Variants in COL25A1 observed in about 807,000 individuals in gnomAD.
COL25A1 encodes collagen type XXV alpha 1 chain.
A neutral mutation model predicts 128.4 loss-of-function variants in COL25A1; 103 were observed. The ratio of observed to expected loss-of-function variants is 0.80; its 90% CI spans 0.68 to 0.94. COL25A1 has a LOEUF of 0.94. Ranked by LOEUF, COL25A1 falls within the 40% of genes least tolerant of loss-of-function variation. The pLI is 0.00. For synonymous variants in COL25A1, 279 were observed against 277.2 expected (o/e 1.01, Z -0.06); for missense variants, 745 against 840.0 (o/e 0.89, Z 1.40).
chr4:108,878,553 G>T (rs1268821462), intron 19 of COL25A1, among the ~76,000 whole-genome samples: 1 of 152,058 alleles, frequency 6.6e-6, no homozygotes, highest in Non-Finnish European at 1.5e-5. Flanking sequence ...AGCCAGTTTT[G>T]GTAATGATTG....
chr4:109,187,189 C>T (rs991498653), intron 3 of COL25A1, among the ~76,000 whole-genome samples: 6 of 124,308 alleles, frequency 4.8e-5, no homozygotes, highest in Non-Finnish European at 1.0e-4. Flanking sequence ...TGTGTGTATT[C>T]TCTTGCTCTC....
intron 3 of COL25A1, among the ~76,000 whole-genome samples, chr4:109,089,781 T>C (rs553529463): frequency 5.1e-4 from 78 of 152,230 alleles, no homozygotes; most frequent in African/African-American, 1.7e-3. Context: ...AATTTTTATA[T>C]TTGTAGTTGA....
In COL25A1 at chr4:109,053,432, T is replaced by C. The variant is rs1317609615; in HGVS notation, c.368-3253A>G. Among the ~76,000 whole-genome samples, 4 of 152,220 alleles carry C rather than the reference T, an allele frequency of 2.6e-5. No homozygotes were observed. In the East Asian group the frequency reaches 7.7e-4, roughly 29 times the overall value. Reference sequence around the variant, plus strand: ...GTTTGAACGCTCTATTCCTCACTAATGATGTATCCACTTGAAAAGGCTCTT... The same window carrying C: ...GTTTGAACGCTCTATTCCTCACTAACGATGTATCCACTTGAAAAGGCTCTT... On this transcript the variant is annotated intron_variant, in intron 3 of 37. Transcript: ENST00000399132.
At position 109,206,458 on chromosome 4, in the gene COL25A1, A is replaced by C. The variant is rs184884312; in HGVS notation, c.367+94125T>G. ...GAAGAATAAATCCACCTTAAATCCA[A>C]GAAGGTATAATTCTTTATAATGTTT... On this transcript the variant is annotated intron_variant, in intron 3 of 37. Coordinates refer to ENST00000399132, the MANE Select transcript of COL25A1 (RefSeq NM_198721.4). 3.3e-4 allele frequency among the ~76,000 whole-genome samples: 51 copies of C among 152,278 alleles called. 2 individuals are homozygous for C. Among genetic ancestry groups the C allele is most frequent in the Admixed American group, 3.3e-3 (50 of 15,294 alleles).
intron 31 of COL25A1, chr4:108,838,090 T>C (rs1734016075): frequency 6.5e-7 from 1 of 1,542,326 alleles, no homozygotes; most frequent in Non-Finnish European, 8.8e-7. Flanking sequence ...AAAGTTTTCT[T>C]TACTTACTGG....
Position 109,219,503 on chromosome 4 carries a change from C to T in COL25A1, c.367+81080G>A, listed in dbSNP as rs369715231. On this transcript the variant is annotated intron_variant, in intron 3 of 37. Transcript: ENST00000399132. ...CTTGCTTCTTCCTCTGGTTCTCACC[C>T]TCCTCAATCCCACCCTGCCTGCCAC... 2.2e-4 allele frequency among the ~76,000 whole-genome samples: 33 copies of T among 152,156 alleles called. No individual in the cohort carries two copies. In the South Asian group the frequency reaches 2.9e-3, roughly 13 times the overall value.
chr4:108,994,087 A>C (rs1230178651), intron 6 of COL25A1, among the ~76,000 whole-genome samples: 5 of 152,272 alleles, frequency 3.3e-5, no homozygotes, highest in South Asian at 4.2e-4. Context: ...TACCTGGTTC[A>C]TCTCACTGGG....
At position 109,146,998 on chromosome 4, in the gene COL25A1, C is replaced by CA. The variant is rs145835975; in HGVS notation, c.368-96820dup. Among the ~76,000 whole-genome samples the CA allele has an allele frequency of 7.9e-3, 1,200 of 151,324 alleles. 8 individuals are homozygous for CA. The highest frequency in any genetic ancestry group is 0.028 in the African/African-American group (1,137 of 41,250). On this transcript the variant is annotated intron_variant, in intron 3 of 37. Transcript: ENST00000399132. The stretch of plus-strand genomic sequence containing the variant: ...AGGACCATCAAAACCGTGTAAAACC[C>CA]AAAAAAAACAAAACTGTGTGGACCT...
chr4:109,147,292 A>G (rs1480193168), intron 3 of COL25A1, among the ~76,000 whole-genome samples: 1 of 152,184 alleles, frequency 6.6e-6, no homozygotes, highest in African/African-American at 2.4e-5. Flanking sequence ...GAAACAGGAA[A>G]GAGTCTCTGG....
At chr4:108,854,438 G>C (rs1317684904) in intron 24 of COL25A1, among the ~76,000 whole-genome samples, 1 of 151,980 alleles carries the variant, frequency 6.6e-6, no homozygotes, top group African/African-American at 2.4e-5. Context: ...GCAACCTACA[G>C]AAAGGGAGAA....
chr4:109,122,069 A>G (rs555445728), intron 3 of COL25A1, among the ~76,000 whole-genome samples: 1 of 152,230 alleles, frequency 6.6e-6, no homozygotes, highest in Non-Finnish European at 1.5e-5. Context: ...TATTCTGAAA[A>G]AGGCAAAACT....
intron 35 of COL25A1, among the ~76,000 whole-genome samples, chr4:108,820,229 C>T (rs72895091): frequency 0.012 from 1,831 of 152,268 alleles, 33 homozygotes; most frequent in African/African-American, 0.039. Context: ...GGTACCAAAA[C>T]CATTGAAGCC....
intron 19 of COL25A1, among the ~76,000 whole-genome samples, chr4:108,870,765 C>T (rs1738612106): frequency 1.3e-5 from 2 of 152,238 alleles, no homozygotes; most frequent in South Asian, 2.1e-4. Context: ...ATTTCCTCTC[C>T]CTTCCCAAGA....
Position 109,050,188 on chromosome 4 carries a change from C to T in COL25A1, c.368-9G>A. The T allele has an allele frequency of 1.9e-6, 3 of 1,604,482 alleles. No homozygotes were observed. The South Asian group carries it at 3.3e-5, about 18-fold the overall frequency. On this transcript the variant is annotated splice_polypyrimidine_tract_variant and intron_variant, in intron 3 of 37. Transcript: ENST00000399132. ...TCGTTTCCCTGGAGGGCCTGAAATA[C>T]AAAGGATAATTTTTTTAGTGTAGTT... is the stretch of plus-strand genomic sequence containing the variant.
intron 3 of COL25A1, among the ~76,000 whole-genome samples, chr4:109,239,376 ATGTGTG>A (rs57537875): frequency 0.07 from 8,198 of 117,270 alleles, 268 homozygotes; most frequent in East Asian, 0.12. Context: ...ATGTGTGTGT[ATGTGTG>A]TGTGTGTGTG....
At chr4:108,900,130 C>T (rs186619332) in intron 14 of COL25A1, among the ~76,000 whole-genome samples, 304 of 152,248 alleles carry the variant, frequency 2.0e-3, no homozygotes, top group African/African-American at 7.1e-3. Flanking sequence ...GACCCTTTGG[C>T]TTTCTGCATT....
intron 3 of COL25A1, among the ~76,000 whole-genome samples, chr4:109,176,979 G>T (rs1386667654): frequency 6.6e-6 from 1 of 152,120 alleles, no homozygotes; most frequent in Non-Finnish European, 1.5e-5. Flanking sequence ...ATTGTGAAAG[G>T]ATACATTTAA....
At chr4:108,876,472 T>A (rs11946039) in intron 19 of COL25A1, among the ~76,000 whole-genome samples, 2,318 of 152,278 alleles carry the variant, frequency 0.015, 64 homozygotes, top group African/African-American at 0.052. Context: ...TGTTTTTATG[T>A]GTCCTGGAAA....
At chr4:109,148,589 G>A (rs370580953) in intron 3 of COL25A1, among the ~76,000 whole-genome samples, 7 of 152,124 alleles carry the variant, frequency 4.6e-5, no homozygotes, top group African/African-American at 1.7e-4. Flanking sequence ...TCCAGGAGCT[G>A]ATCACCTATC....
Sources: gnomAD v4.1 joint callset for allele counts (sites outside exome capture counted in the v4.1 genomes callset) on GRCh38, gnomAD v4.1.1 for gene constraint, MANE v1.5 for transcripts, NCBI Gene and HGNC (gene_info 2026-07-23, HGNC 2026-07-21) for gene names.